CAMK4: variants seen among roughly 807,000 people sequenced by gnomAD.
CAMK4 encodes the protein calcium/calmodulin-dependent protein kinase type IV.
A neutral mutation model predicts 44.9 loss-of-function variants in CAMK4; 22 were observed. The observed-to-expected ratio is 0.49, with a 90% confidence interval of 0.35 to 0.70. CAMK4 has a LOEUF of 0.70. CAMK4 is among the 30% of genes least tolerant of loss of function. The pLI, the probability that CAMK4 is intolerant of heterozygous loss-of-function variation, is 0.01. For missense variants in CAMK4, 498 were observed against 586.8 expected (o/e 0.85, Z 1.56); for synonymous variants, 218 against 215.4 (o/e 1.01, Z -0.11).
chr5:111,391,520 C>T (rs374128767), intron 4 of CAMK4, among the ~76,000 whole-genome samples: 2 of 149,968 alleles, frequency 1.3e-5, no homozygotes, highest in African/African-American at 4.9e-5. Flanking sequence ...GGAAGAACAC[C>T]CATAAAAAAA....
rs1270326264 is a variant in CAMK4, at chr5:111,468,823, C to T, written c.626-4488C>T. The stretch of plus-strand genomic sequence containing the variant: ...TGAAACCCCATCTCTATTAAAAATA[C>T]AAAAATTAGCTGGGTGTGGTGGCAC... On this transcript the variant is annotated intron_variant, in intron 7 of 10. Transcript: ENST00000282356. 2.0e-5 allele frequency among the ~76,000 whole-genome samples: 3 copies of T among 151,958 alleles called. No homozygotes were observed. The East Asian group carries it at 5.8e-4, about 29-fold the overall frequency.
At position 111,290,727 on chromosome 5, in the gene CAMK4, AG is replaced by A. The variant is rs1747206460; in HGVS notation, c.162-53294del. On this transcript the variant is annotated intron_variant, in intron 1 of 10. Transcript: ENST00000282356. This position sits in a 1 kb window ranked among gnomAD's most constrained non-coding sequence, Gnocchi z 4.5. The stretch of plus-strand genomic sequence containing the variant: ...CATGGGGTCGAGTGATGGAATCAGC[AG>A]GGAGACTACATGGTGAGAAGTGGGA... 6.6e-6 allele frequency among the ~76,000 whole-genome samples: 1 copy of A among 152,216 alleles called. No homozygotes were observed. Among genetic ancestry groups the A allele is most frequent in the African/African-American group, 2.4e-5 (1 of 41,454 alleles).
intron 7 of CAMK4, among the ~76,000 whole-genome samples, chr5:111,453,063 C>A (rs1040870808): frequency 6.6e-6 from 1 of 152,144 alleles, no homozygotes; most frequent in African/African-American, 2.4e-5. Flanking sequence ...TAACATATTT[C>A]TTTAGCAGAC....
At chr5:111,255,018 A>C (rs952967459) in intron 1 of CAMK4, among the ~76,000 whole-genome samples, 1 of 152,052 alleles carries the variant, frequency 6.6e-6, no homozygotes, top group African/African-American at 2.4e-5. Flanking sequence ...ACAAAATCCC[A>C]GTACTCCTAA....
rs867473463 is a variant in CAMK4 at position 111,448,056 on chromosome 5, T to C, written c.551-1073T>C. Among the ~76,000 whole-genome samples the C allele has an allele frequency of 1.8e-4, 27 of 152,328 alleles. No homozygotes were observed. The Middle Eastern group carries it at 0.01, about 58-fold the overall frequency. On this transcript the variant is annotated intron_variant, in intron 6 of 10. Coordinates refer to ENST00000282356, the MANE Select transcript of CAMK4 (RefSeq NM_001744.6). ...TCAGGCACCTGCCAGGAAATGTGGGTTTATCTTTGAAGTCTAAAATGGAAT... is the reference window on the plus strand; with the variant it reads ...TCAGGCACCTGCCAGGAAATGTGGGCTTATCTTTGAAGTCTAAAATGGAAT...
chr5:111,249,696 G>A (rs1188712614), intron 1 of CAMK4, among the ~76,000 whole-genome samples: 1 of 149,266 alleles, frequency 6.7e-6, no homozygotes, highest in Non-Finnish European at 1.5e-5. Context: ...GTGTGTGTGT[G>A]TGTGTGTGTA....
At chr5:111,276,698 T>G (rs1261243429) in intron 1 of CAMK4, among the ~76,000 whole-genome samples, 1 of 152,208 alleles carries the variant, frequency 6.6e-6, no homozygotes, top group East Asian at 1.9e-4. Flanking sequence ...GTTGTTTGTA[T>G]GGGTTTGGGG....
chr5:111,485,382 A>G lies in CAMK4; in HGVS notation c.*916A>G, dbSNP rs1229320103. The G allele has an allele frequency of 1.3e-5, 2 of 152,318 alleles. No individual in the cohort carries two copies. The highest frequency in any genetic ancestry group is 1.9e-4 in the East Asian group (1 of 5,184). 9.4% of individuals were successfully genotyped at this position (152,318 alleles called of 1,614,324 possible). The stretch of plus-strand genomic sequence containing the variant: ...AAGAACATTTTAATGGATAAACTCT[A>G]TAATTACCAAGTTGCAAATATTTAG... On this transcript the variant is annotated 3_prime_UTR_variant, in exon 11 of 11. Coordinates refer to ENST00000282356, the MANE Select transcript of CAMK4 (RefSeq NM_001744.6).
Position 111,297,039 on chromosome 5 carries a change from C to G in CAMK4, c.162-46985C>G, listed in dbSNP as rs1747512159. Among the ~76,000 whole-genome samples the G allele has an allele frequency of 2.0e-5, 3 of 152,208 alleles. No individual in the cohort carries two copies. The South Asian group carries it at 6.2e-4, about 31-fold the overall frequency. On this transcript the variant is annotated intron_variant, in intron 1 of 10. Transcript: ENST00000282356. ...AGAATTGGCCCCAAATCCTTACATT[C>G]AGTTGCTTTGAATGGTGGAGGATCC...
intron 4 of CAMK4, among the ~76,000 whole-genome samples, chr5:111,382,483 T>C (rs1413450684): frequency 6.6e-6 from 1 of 152,206 alleles, no homozygotes; most frequent in Non-Finnish European, 1.5e-5. Flanking sequence ...AATGTAATTA[T>C]CTAATGAGTG....
chr5:111,393,846 A>G lies in CAMK4; in HGVS notation c.387-864A>G, dbSNP rs528745394. On this transcript the variant is annotated intron_variant, in intron 4 of 10. Transcript: ENST00000282356. ...AGAAGTTTGTGTAGCAAACTTGCCC[A>G]TGTACCTCTGAACTTAAAAGTTTTG... Among the ~76,000 whole-genome samples, 21 of 151,194 alleles carry G rather than the reference A, an allele frequency of 1.4e-4. No individual in the cohort carries two copies. In the East Asian group the frequency reaches 3.9e-3, roughly 28 times the overall value.
intron 9 of CAMK4, among the ~76,000 whole-genome samples, chr5:111,479,713 G>A (rs1232198274): frequency 6.6e-6 from 1 of 152,078 alleles, no homozygotes; most frequent in Non-Finnish European, 1.5e-5. Flanking sequence ...TACCCTCTGT[G>A]TTCCTTCATG....
At chr5:111,405,149 G>C (rs1158708860) in intron 5 of CAMK4, among the ~76,000 whole-genome samples, 1 of 152,174 alleles carries the variant, frequency 6.6e-6, no homozygotes. Flanking sequence ...TATCTTGCCA[G>C]AGAAAGTTGT....
intron 1 of CAMK4, among the ~76,000 whole-genome samples, chr5:111,268,303 A>C (rs901294437): frequency 6.6e-6 from 1 of 152,182 alleles, no homozygotes; most frequent in South Asian, 2.1e-4. Context: ...TTCAAATAAG[A>C]ATTGAGGTGT....
intron 1 of CAMK4, among the ~76,000 whole-genome samples, chr5:111,330,088 CACCA>C (rs751804584): frequency 6.9e-6 from 1 of 145,892 alleles, no homozygotes; most frequent in Non-Finnish European, 1.5e-5. Flanking sequence ...TTCTACTCCC[CACCA>C]CCCCTACAAA....
chr5:111,289,994 A>G (rs1580536689), intron 1 of CAMK4, among the ~76,000 whole-genome samples: 1 of 152,348 alleles, frequency 6.6e-6, no homozygotes, highest in Non-Finnish European at 1.5e-5. Flanking sequence ...ATTCTATGGC[A>G]GGGTGTAAAG....
chr5:111,411,271 C>T (rs753359543), intron 5 of CAMK4, among the ~76,000 whole-genome samples: 18 of 152,274 alleles, frequency 1.2e-4, no homozygotes, highest in Non-Finnish European at 2.5e-4. Context: ...TCTCTGAGAG[C>T]CAAGTCTGTT....
chr5:111,452,721 T>C (rs945878092), intron 7 of CAMK4, among the ~76,000 whole-genome samples: 1 of 152,234 alleles, frequency 6.6e-6, no homozygotes, highest in African/African-American at 2.4e-5. Context: ...GCTTATTTTC[T>C]ATTATTATTT....
intron 2 of CAMK4, among the ~76,000 whole-genome samples, chr5:111,365,572 A>C (rs182891518): frequency 6.6e-6 from 1 of 152,092 alleles, no homozygotes. Context: ...GAGTTGCAGG[A>C]TGCATTTGCT....
Sources: allele counts gnomAD v4.1 joint callset (sites outside exome capture counted in the v4.1 genomes callset), GRCh38; gene constraint gnomAD v4.1.1; non-coding constraint Gnocchi (gnomAD v3.1); transcripts MANE v1.5; gene names NCBI Gene and HGNC (gene_info 2026-07-23, HGNC 2026-07-21).